ITPR2: variants seen among roughly 807,000 people sequenced by gnomAD.
The protein encoded by ITPR2 is inositol 1,4,5-trisphosphate receptor type 2.
ITPR2 carries 207 observed loss-of-function variants against 317.1 expected under a neutral mutation model. The ratio of observed to expected loss-of-function variants is 0.65; its 90% CI spans 0.58 to 0.73. The LOEUF is 0.73. Ranked by LOEUF, ITPR2 falls within the 30% of genes least tolerant of loss-of-function variation. ITPR2 has a pLI of 0.00. For missense variants in ITPR2, 2,613 were observed against 3,284.0 expected (o/e 0.80, Z 4.99); for synonymous variants, 1,156 against 1,149.1 (o/e 1.01, Z -0.12).
At chr12:26,814,057 C>T (rs1223831685) in intron 1 of ITPR2, among the ~76,000 whole-genome samples, 3 of 152,152 alleles carry the variant, frequency 2.0e-5, no homozygotes, top group Admixed American at 1.3e-4. Flanking sequence ...GGACCATCAT[C>T]GAGCCAGCCA....
intron 5 of ITPR2, 80 bp from the exon 6 acceptor site, chr12:26,716,322 G>A (rs1447662768): frequency 1.2e-6 from 1 of 834,932 alleles, no homozygotes; most frequent in African/African-American, 1.7e-5. Context: ...TAACTGCACA[G>A]GAGTCCCCAT....
At chr12:26,479,284 TA>T (rs1942492995) in intron 43 of ITPR2, among the ~76,000 whole-genome samples, 2 of 151,788 alleles carry the variant, frequency 1.3e-5, no homozygotes, top group African/African-American at 2.4e-5. Context: ...ATATATTTTT[TA>T]AAAAGCATTT....
chr12:26,340,143 C>T, intron 56 of ITPR2, 24 bp downstream of exon 56: 1 of 1,574,926 alleles, frequency 6.3e-7, no homozygotes, highest in Non-Finnish European at 8.6e-7. Context: ...TCCCACCCAG[C>T]CCCATCTCCC....
intron 55 of ITPR2, among the ~76,000 whole-genome samples, chr12:26,380,984 T>C (rs1347135814): frequency 6.6e-6 from 1 of 152,134 alleles, no homozygotes; most frequent in African/African-American, 2.4e-5. Context: ...TAACAGATCA[T>C]GGCAAGGAGG....
intron 47 of ITPR2, 150 bp downstream of exon 47, chr12:26,438,977 C>T (rs138875995): frequency 1.2e-5 from 6 of 495,202 alleles, no homozygotes; most frequent in African/African-American, 4.0e-5. Flanking sequence ...GTAGACTAAG[C>T]GGACACTCTT....
chr12:26,506,407 C>T (rs943164496), intron 37 of ITPR2, among the ~76,000 whole-genome samples: 2 of 150,382 alleles, frequency 1.3e-5, no homozygotes, highest in African/African-American at 4.9e-5. Flanking sequence ...TACTAGGAGG[C>T]TGAGGTGGGA....
chr12:26,697,315 A>C (rs1177654054), intron 9 of ITPR2, among the ~76,000 whole-genome samples: 1 of 152,216 alleles, frequency 6.6e-6, no homozygotes, highest in Non-Finnish European at 1.5e-5. Context: ...AGAACAAAGG[A>C]AGGAAAAAAG....
chr12:26,639,785 A>G lies in ITPR2; in HGVS notation c.2741-7726T>C, dbSNP rs372548299. On this transcript the variant is annotated intron_variant, in intron 21 of 56. Transcript: ENST00000381340. ...GGTTTCCAGCTTCATCCATGTCCCT[A>G]CAAAGGACATGAACTCATCATTTTT... 2.7e-3 allele frequency among the ~76,000 whole-genome samples: 406 copies of G among 151,638 alleles called. 3 individuals carry two copies. The highest frequency in any genetic ancestry group is 9.5e-3 in the African/African-American group (394 of 41,336).
rs750385034 is a variant in ITPR2, at chr12:26,486,199, C to T, written c.5716G>A (p.Ala1906Thr). The change falls in exon 41 of 57, where the codon GCA becomes ACA. Residue 1906 changes from alanine to threonine, a missense_variant. Transcript: ENST00000381340. ...GCGGGACTCATTGTTACTTCCTCTG[C>T]GGATTTTTCCTCAGTGTTTCCCGCT... ...PEAGNTEEKS[A>T]EEVTMSPAIA... 28 of 1,613,954 alleles carry T rather than the reference C, an allele frequency of 1.7e-5. No individual in the cohort carries two copies. Among genetic ancestry groups the T allele is most frequent in the South Asian group, 1.4e-4 (13 of 91,080 alleles).
chr12:26,370,187 TTG>T (rs1221515434), intron 55 of ITPR2, among the ~76,000 whole-genome samples: 2 of 152,194 alleles, frequency 1.3e-5, no homozygotes, highest in African/African-American at 4.8e-5. Flanking sequence ...ACCCCTGAAT[TTG>T]TACCTATTTG....
intron 37 of ITPR2, among the ~76,000 whole-genome samples, chr12:26,523,109 T>C (rs1943709443): frequency 6.6e-6 from 1 of 152,212 alleles, no homozygotes; most frequent in Admixed American, 6.5e-5. Context: ...ATCATTGATT[T>C]TGGTTGTTCC....
At chr12:26,453,376 A>T (rs1941788200) in intron 45 of ITPR2, among the ~76,000 whole-genome samples, 2 of 152,210 alleles carry the variant, frequency 1.3e-5, no homozygotes, top group African/African-American at 4.8e-5. Context: ...ATTCTAAAGT[A>T]ATCATTATTG....
chr12:26,634,778 G>A (rs374585820), intron 21 of ITPR2, among the ~76,000 whole-genome samples: 14 of 150,828 alleles, frequency 9.3e-5, no homozygotes, highest in Admixed American at 5.3e-4. Context: ...TCAGCTACTC[G>A]GGAGGCTGAG....
At chr12:26,391,595 T>C (rs1273061771) in intron 54 of ITPR2, among the ~76,000 whole-genome samples, 2 of 141,304 alleles carry the variant, frequency 1.4e-5, no homozygotes, top group Non-Finnish European at 3.0e-5. Flanking sequence ...GACAGAGTCT[T>C]GCTCTGTCAC....
intron 35 of ITPR2, among the ~76,000 whole-genome samples, chr12:26,559,084 C>T (rs1327549234): frequency 2.6e-5 from 4 of 152,314 alleles, no homozygotes; most frequent in East Asian, 1.9e-4. Flanking sequence ...ACTATTGTTA[C>T]CTCCTTAAGC....
chr12:26,669,987 G>A (rs1389033204), intron 13 of ITPR2, among the ~76,000 whole-genome samples: 2 of 152,248 alleles, frequency 1.3e-5, no homozygotes, highest in African/African-American at 4.8e-5. Flanking sequence ...GCGGCAGCGA[G>A]GCTGGGGGAG....
At chr12:26,796,625 A>G (rs1456428904) in intron 1 of ITPR2, among the ~76,000 whole-genome samples, 2 of 152,238 alleles carry the variant, frequency 1.3e-5, no homozygotes, top group African/African-American at 4.8e-5. Context: ...CAGAAATCTT[A>G]CAAACTTGCA....
Position 26,339,410 on chromosome 12 carries a change from A to G in ITPR2, c.8093T>C (p.Met2698Thr). ...CCCCCCATGGTATCAGTGTGGTGGCATGTGATGATTCACATGGGGTGTGTT... is the reference window on the plus strand; with the variant it reads ...CCCCCCATGGTATCAGTGTGGTGGCGTGTGATGATTCACATGGGGTGTGTT... Reference protein sequence around the residue: ...GSNTPHVNHHMPPH With the variant: ...GSNTPHVNHHTPPH Residue 2698 changes from methionine to threonine, a missense_variant, in exon 57 of 57, where the codon ATG becomes ACG. Physicochemically the swap from Met to Thr is moderately conservative, Grantham distance 81 (BLOSUM62 -1). Transcript: ENST00000381340. 1.2e-6 allele frequency: 2 copies of G among 1,613,666 alleles called. 1 individual carries two copies. The highest frequency in any genetic ancestry group is 2.2e-5 in the South Asian group (2 of 91,062).
chr12:26,810,527 A>G (rs1406182767), intron 1 of ITPR2, among the ~76,000 whole-genome samples: 1 of 152,176 alleles, frequency 6.6e-6, no homozygotes. Context: ...GACTGACTCG[A>G]TTCCAAGAAC....
Sources: allele counts gnomAD v4.1 joint callset (sites outside exome capture counted in the v4.1 genomes callset), GRCh38; gene constraint gnomAD v4.1.1; transcripts MANE v1.5; gene names NCBI Gene and HGNC (gene_info 2026-07-23, HGNC 2026-07-21).